DHRS11: variants seen among roughly 807,000 people sequenced by gnomAD.
DHRS11 encodes the protein dehydrogenase/reductase 11.
In DHRS11, 18 loss-of-function variants were observed where a neutral mutation model predicts 30.7. That is an observed-to-expected ratio of 0.59 (90% CI 0.41 to 0.87). The LOEUF (loss-of-function observed/expected upper bound fraction) is 0.87. DHRS11 is among the 40% of genes least tolerant of loss of function. DHRS11 has a pLI of 0.00. For missense variants in DHRS11, 300 were observed against 349.0 expected (o/e 0.86, Z 1.12); for synonymous variants, 123 against 139.6 (o/e 0.88, Z 0.84).
chr17:36,595,560 C>T (rs1315174500), intron 2 of DHRS11, among the ~76,000 whole-genome samples: 1 of 151,770 alleles, frequency 6.6e-6, no homozygotes, highest in Non-Finnish European at 1.5e-5. Flanking sequence ...GCTGGAATTA[C>T]AGGCACCCAT....
Position 36,600,022 on chromosome 17 carries a change from C to T in DHRS11, c.726C>T (p.Thr242=), listed in dbSNP as rs764775223. The T allele has an allele frequency of 6.2e-7, 1 of 1,613,826 alleles. No homozygotes were observed. The highest frequency in any genetic ancestry group is 8.5e-7 in the Non-Finnish European group (1 of 1,179,914). The change falls in exon 6 of 7, where the codon ACC becomes ACT. Residue 242 remains threonine, a synonymous_variant. Coordinates refer to ENST00000618403, the MANE Select transcript of DHRS11 (RefSeq NM_024308.4). ...VAEAVIYVLS[T]PAHIQIGDIQ... is the part of the protein sequence containing the mutation. ...AGGCTGTTATCTACGTCCTCAGCAC[C>T]CCCGCACACATCCAGGTGAGTCTGG...
chr17:36,595,873 G>A (rs2074806762), intron 2 of DHRS11, among the ~76,000 whole-genome samples: 1 of 152,202 alleles, frequency 6.6e-6, no homozygotes, highest in Non-Finnish European at 1.5e-5. Context: ...AAGGAAGAGA[G>A]AGACAAGTGA....
intron 2 of DHRS11, chr17:36,597,834 G>T (rs1395447492): frequency 2.2e-6 from 1 of 450,170 alleles, no homozygotes; most frequent in Admixed American, 4.0e-5. Flanking sequence ...GAATTAGAGG[G>T]TCTGTGCTAC....
In DHRS11 at chr17:36,598,914, C is replaced by T; in HGVS notation, c.453-7C>T. The T allele has an allele frequency of 6.2e-7, 1 of 1,610,488 alleles. No individual in the cohort carries two copies. Among genetic ancestry groups the T allele is most frequent in the Non-Finnish European group, 8.5e-7 (1 of 1,178,288 alleles). On this transcript the variant is annotated splice_polypyrimidine_tract_variant and splice_region_variant and intron_variant, in intron 3 of 6. Coordinates refer to ENST00000618403, the MANE Select transcript of DHRS11 (RefSeq NM_024308.4). ...CTCTCCTCTTTCCCCTTCCTCTCCC[C>T]ACCCAGCATGTCTGGCCACCGAGTG...
chr17:36,597,070 TG>T lies in DHRS11; in HGVS notation c.358-1092del. Reference sequence around the variant, plus strand: ...GAGGCATCTTCTCTTTCCCTGCCCCTGATACCCTAGACCTGGGAGATTTACT... The same window carrying T: ...GAGGCATCTTCTCTTTCCCTGCCCCTATACCCTAGACCTGGGAGATTTACT... On this transcript the variant is annotated intron_variant, in intron 2 of 6. Transcript: ENST00000618403. 9.1e-6 allele frequency: 3 copies of T among 330,482 alleles called. No individual in the cohort carries two copies. The Admixed American group carries it at 1.2e-4, about 13-fold the overall frequency. The allele number at this position is 330,482 out of a possible 1,614,324, so 20.5% of individuals were successfully genotyped here.
intron 2 of DHRS11, chr17:36,597,531 T>A (rs1435638533): frequency 6.4e-6 from 1 of 156,652 alleles, no homozygotes; most frequent in Non-Finnish European, 1.4e-5. Context: ...GCAAGTTACC[T>A]GACCCTCTAG....
chr17:36,594,836 A>G, intron 1 of DHRS11, 135 bp from the exon 2 acceptor site: 1 of 852,688 alleles, frequency 1.2e-6, no homozygotes, highest in Non-Finnish European at 1.9e-6. Context: ...TGGGCAGTCC[A>G]ACATCTTCGT....
At position 36,598,917 on chromosome 17, in the gene DHRS11, C is replaced by A. The variant is rs377050445; in HGVS notation, c.453-4C>A. On this transcript the variant is annotated splice_polypyrimidine_tract_variant and splice_region_variant and intron_variant, in intron 3 of 6. Transcript: ENST00000618403. ...TCCTCTTTCCCCTTCCTCTCCCCACCCAGCATGTCTGGCCACCGAGTGTTA... is the reference window on the plus strand; with the variant it reads ...TCCTCTTTCCCCTTCCTCTCCCCACACAGCATGTCTGGCCACCGAGTGTTA... 2.5e-6 allele frequency: 4 copies of A among 1,610,932 alleles called. No homozygotes were observed. The African/African-American group carries it at 5.3e-5, about 22-fold the overall frequency.
In DHRS11 at chr17:36,598,960, C is replaced by T; in HGVS notation, c.492C>T (p.His164=). The change falls in exon 4 of 7, where the codon CAC becomes CAT. Residue 164 remains histidine (H), a synonymous_variant. Transcript: ENST00000618403. ...GHRVLPLSVT[H]FYSATKYAVT... Reference sequence around the variant, plus strand: ...GAGTGTTACCCCTGTCTGTGACCCACTTCTATAGTGCCACCAAGTATGCCG... The same window carrying T: ...GAGTGTTACCCCTGTCTGTGACCCATTTCTATAGTGCCACCAAGTATGCCG... 3 of 1,613,710 alleles carry T rather than the reference C, an allele frequency of 1.9e-6. No individual in the cohort carries two copies. Among genetic ancestry groups the T allele is most frequent in the Non-Finnish European group, 2.5e-6 (3 of 1,180,010 alleles).
At position 36,600,584 on chromosome 17, in the gene DHRS11, A is replaced by G. The variant is rs1026652071; in HGVS notation, c.*381A>G. The G allele has an allele frequency of 8.2e-6, 3 of 365,960 alleles. No homozygotes were observed. The highest frequency in any genetic ancestry group is 1.5e-5 in the Non-Finnish European group (3 of 197,128). The allele number at this position is 365,960 out of a possible 1,614,324, so 22.7% of individuals were successfully genotyped here. Reference sequence around the variant, plus strand: ...GGTGGCAGAGGGAGGCCTTCACCTTATATCTGTGTTGTTATCCAGGGCTCC... The same window carrying G: ...GGTGGCAGAGGGAGGCCTTCACCTTGTATCTGTGTTGTTATCCAGGGCTCC... On this transcript the variant is annotated 3_prime_UTR_variant, in exon 7 of 7. Coordinates refer to ENST00000618403, the MANE Select transcript of DHRS11 (RefSeq NM_024308.4).
chr17:36,594,769 C>T, intron 1 of DHRS11: 1 of 607,644 alleles, frequency 1.6e-6, no homozygotes, highest in Non-Finnish European at 2.9e-6. Flanking sequence ...TTCCCTTCAT[C>T]ACTCGGGGAG....
At chr17:36,596,582 G>T in intron 2 of DHRS11, 1 of 321,416 alleles carries the variant, frequency 3.1e-6, no homozygotes, top group Non-Finnish European at 6.2e-6. Context: ...CTCTGGTATG[G>T]CTTGATCCCA....
At position 36,600,474 on chromosome 17, in the gene DHRS11, T is replaced by C; in HGVS notation, c.*271T>C. ...CTGGGCACTTGGCCTTTGTCTGCTC[T>C]CAGTGTCTTCCCTTTGACATGGGAA... On this transcript the variant is annotated 3_prime_UTR_variant, in exon 7 of 7. Transcript: ENST00000618403. 1.7e-6 allele frequency: 1 copy of C among 583,880 alleles called. No individual in the cohort carries two copies. Among genetic ancestry groups the C allele is most frequent in the Non-Finnish European group, 3.1e-6 (1 of 327,776 alleles). 36.2% of individuals were successfully genotyped at this position (583,880 alleles called of 1,614,324 possible).
At chr17:36,596,182 G>T (rs796893252) in intron 2 of DHRS11, 1 of 150,928 alleles carries the variant, frequency 6.6e-6, no homozygotes, top group Non-Finnish European at 1.5e-5. Context: ...TTTTTGAGGC[G>T]AAGTCTTGCT....
intron 4 of DHRS11, 43 bp from the exon 5 acceptor site, chr17:36,599,628 T>TG: frequency 1.2e-6 from 2 of 1,608,132 alleles, no homozygotes; most frequent in Non-Finnish European, 1.7e-6. Context: ...CCCCAAGACC[T>TG]GGCAAAGCTC....
At position 36,592,068 on chromosome 17, in the gene DHRS11, C is replaced by CG. The variant is rs1250239134; in HGVS notation, c.65dup (p.Ile23HisfsTer32). The stretch of plus-strand genomic sequence containing the variant: ...CGGCTGGCGCTGGTGACGGGGGCCT[C>CG]GGGGGGCATCGGCGCGGCCGTGGCC... On this transcript the variant is annotated frameshift_variant, in exon 1 of 7. Transcript: ENST00000618403. LOFTEE classifies it high-confidence loss of function. The surrounding 1 kb of genome is among the most constrained non-coding windows in gnomAD (Gnocchi z 4.4). 3 of 1,238,860 alleles carry CG rather than the reference C, an allele frequency of 2.4e-6. No individual in the cohort carries two copies. Among genetic ancestry groups the CG allele is most frequent in the Non-Finnish European group, 3.0e-6 (3 of 990,822 alleles). 76.7% of individuals were successfully genotyped at this position (1,238,860 alleles called of 1,614,324 possible). A position where few individuals can be genotyped will look rare whatever the true frequency, so the allele number is the denominator to read the frequency against.
At position 36,600,168 on chromosome 17, in the gene DHRS11, G is replaced by A. The variant is rs1477409021; in HGVS notation, c.748G>A (p.Asp250Asn). ...TGCCTTGTACCTTCCACAGATTGGA[G>A]ACATCCAGATGAGGCCCACGGAGCA... The part of the protein sequence containing the change: ...LSTPAHIQIG[D>N]IQMRPTEQVT Residue 250 changes from aspartate (D) to asparagine (N), a missense_variant, in exon 7 of 7, where the codon GAC becomes AAC. Physicochemically the swap from Asp to Asn is conservative, Grantham distance 23 (BLOSUM62 1). Transcript: ENST00000618403. 2 of 1,613,926 alleles carry A rather than the reference G, an allele frequency of 1.2e-6. No homozygotes were observed. The highest frequency in any genetic ancestry group is 1.7e-6 in the Non-Finnish European group (2 of 1,180,002).
In DHRS11 at chr17:36,592,608, C is replaced by T. The variant is rs188059373; in HGVS notation, c.147+452C>T. Reference sequence around the variant, plus strand: ...GAAGAGCCTCAGCCCCGCCCCCTCACCTCGGGGGTAACTCATGCCCAGTGG... The same window carrying T: ...GAAGAGCCTCAGCCCCGCCCCCTCATCTCGGGGGTAACTCATGCCCAGTGG... On this transcript the variant is annotated intron_variant, in intron 1 of 6. Transcript: ENST00000618403. This position sits in a 1 kb window ranked among gnomAD's most constrained non-coding sequence, Gnocchi z 4.4. Among the ~76,000 whole-genome samples the T allele has an allele frequency of 1.3e-5, 2 of 152,304 alleles. No individual in the cohort carries two copies. The highest frequency in any genetic ancestry group is 2.9e-5 in the Non-Finnish European group (2 of 68,026).
In DHRS11 at chr17:36,598,159, G is replaced by T. The variant is rs2074826258; in HGVS notation, c.358-4G>T. ...GACACCTCATTGCCCTCCCTGGCCTGCAGGTGAACGTGCTGGCCCTCAGCA... is the reference window on the plus strand; with the variant it reads ...GACACCTCATTGCCCTCCCTGGCCTTCAGGTGAACGTGCTGGCCCTCAGCA... On this transcript the variant is annotated splice_region_variant and splice_polypyrimidine_tract_variant and intron_variant, in intron 2 of 6. Transcript: ENST00000618403. 3.1e-6 allele frequency: 5 copies of T among 1,613,972 alleles called. No homozygotes were observed. The East Asian group carries it at 6.7e-5, about 22-fold the overall frequency.
Sources: gnomAD v4.1 joint callset for allele counts (sites outside exome capture counted in the v4.1 genomes callset) on GRCh38, gnomAD v4.1.1 for gene constraint, Gnocchi (gnomAD v3.1) non-coding constraint, MANE v1.5 for transcripts, NCBI Gene and HGNC (gene_info 2026-07-23, HGNC 2026-07-21) for gene names.